RGS3: variants seen among roughly 807,000 people sequenced by gnomAD.
RGS3 encodes the protein regulator of G protein signaling 3, also known as regulator of G-protein signalling 3.
Under a neutral mutation model 132.6 loss-of-function variants are expected in RGS3, and 80 were observed. The ratio of observed to expected loss-of-function variants is 0.60; its 90% CI spans 0.50 to 0.73. The LOEUF (loss-of-function observed/expected upper bound fraction) is 0.73. RGS3 is among the 30% of genes least tolerant of loss of function. The pLI is 0.00. For missense variants in RGS3, 1,382 were observed against 1,530.8 expected (o/e 0.90, Z 1.62); for synonymous variants, 598 against 620.6 (o/e 0.96, Z 0.54).
chr9:113,597,015 T>TCCCTGCCC, exon 25 of RGS3: 1 of 1,419,760 alleles, frequency 7.0e-7, no homozygotes, highest in Non-Finnish European at 9.6e-7. Flanking sequence ...CCCACCTGCC[T>TCCCTGCCC]CCCTGCCCCC....
rs572534246 is a variant in RGS3 at position 113,550,675 on chromosome 9, A to G, written c.2037+13757A>G. 2.9e-4 allele frequency among the ~76,000 whole-genome samples: 44 copies of G among 152,326 alleles called. 1 individual carries two copies. The South Asian group carries it at 3.3e-3, about 11-fold the overall frequency. On this transcript the variant is annotated intron_variant, in intron 19 of 24. Transcript: ENST00000350696. Reference sequence around the variant, plus strand: ...TGTTTATTCCTCCTCATCATTACCAACATGGTATATTGTTACATTTTTAAA... The same window carrying G: ...TGTTTATTCCTCCTCATCATTACCAGCATGGTATATTGTTACATTTTTAAA...
rs527872524 is a variant in RGS3 at position 113,496,521 on chromosome 9, G to A, written c.750+675G>A. 4.6e-5 allele frequency among the ~76,000 whole-genome samples: 7 copies of A among 152,142 alleles called. No homozygotes were observed. In the South Asian group the frequency reaches 1.2e-3, roughly 27 times the overall value. On this transcript the variant is annotated intron_variant, in intron 8 of 24. Transcript: ENST00000350696. ...TGGCTGAGGACCCTTTATCCTGCAT[G>A]TGAGTCCTAAAGAGCTTCTCTCTCT... is the stretch of plus-strand genomic sequence containing the variant.
intron 19 of RGS3, among the ~76,000 whole-genome samples, chr9:113,574,200 C>T (rs181743680): frequency 1.3e-5 from 2 of 152,324 alleles, no homozygotes; most frequent in Admixed American, 1.3e-4. Context: ...ACCTCTGCAG[C>T]GCTAAGTAAA....
At chr9:113,571,842 A>C (rs1242656994) in intron 19 of RGS3, among the ~76,000 whole-genome samples, 1 of 152,198 alleles carries the variant, frequency 6.6e-6, no homozygotes, top group East Asian at 1.9e-4. Context: ...TATGTTTCAT[A>C]TTTAGATCTA....
chr9:113,453,236 A>G (rs1829298058), intron 1 of RGS3, among the ~76,000 whole-genome samples: 1 of 98,634 alleles, frequency 1.0e-5, no homozygotes, highest in Non-Finnish European at 1.9e-5. Context: ...TACTCATTAT[A>G]TGATTACATA....
chr9:113,508,082 C>T (rs1354674795), intron 13 of RGS3, among the ~76,000 whole-genome samples: 3 of 152,148 alleles, frequency 2.0e-5, no homozygotes, highest in Admixed American at 1.3e-4. Context: ...AATAAGCTTG[C>T]GACATATCCC....
At chr9:113,547,867 G>A (rs1009370285) in intron 19 of RGS3, among the ~76,000 whole-genome samples, 1 of 152,192 alleles carries the variant, frequency 6.6e-6, no homozygotes, top group Non-Finnish European at 1.5e-5. Flanking sequence ...AAGTGTTAGT[G>A]TGTTTCTGTT....
chr9:113,536,384 C>T, intron 18 of RGS3: 1 of 640,346 alleles, frequency 1.6e-6, no homozygotes, highest in Non-Finnish European at 1.9e-6. Flanking sequence ...TTCTGTGAGC[C>T]AGGGGAGGTG....
chr9:113,484,267 G>T (rs1332933980), intron 6 of RGS3, 35 bp downstream of exon 4: 1 of 1,101,860 alleles, frequency 9.1e-7, no homozygotes, highest in African/African-American at 1.6e-5. Flanking sequence ...CTAGAAAGGA[G>T]AGGGAAGGAG....
chr9:113,499,237 AAAAAAAAAAAGGAG>A (rs1830788626), intron 10 of RGS3, among the ~76,000 whole-genome samples: 1 of 151,738 alleles, frequency 6.6e-6, no homozygotes, highest in African/African-American at 2.4e-5. Flanking sequence ...AAAAAAAAAA[AAAAAAAAAAAGGAG>A]AAACAAACTC....
intron 7 of RGS3, among the ~76,000 whole-genome samples, chr9:113,488,904 T>C (rs1047883002): frequency 6.6e-6 from 1 of 152,238 alleles, no homozygotes; most frequent in African/African-American, 2.4e-5. Context: ...GACAGAGTGA[T>C]TGCAGGAAAC....
chr9:113,526,639 G>A (rs1324411469), intron 17 of RGS3, among the ~76,000 whole-genome samples: 1 of 152,122 alleles, frequency 6.6e-6, no homozygotes, highest in Non-Finnish European at 1.5e-5. Context: ...GTTGAGTTTT[G>A]GATCTCAGAT....
intron 18 of RGS3, among the ~76,000 whole-genome samples, chr9:113,534,778 AT>A (rs201244273): frequency 1.3e-5 from 2 of 151,088 alleles, no homozygotes; most frequent in African/African-American, 4.9e-5. Flanking sequence ...CACCCAATTA[AT>A]TTTTTTTTAA....
At chr9:113,514,516 G>A in exon 15 of RGS3, 1 of 1,614,234 alleles carries the variant, frequency 6.2e-7, no homozygotes, top group Non-Finnish European at 8.5e-7. Context: ...AGTCCCGGCT[G>A]ATGAAGACAG....
rs542162476 is a variant in RGS3 at position 113,579,595 on chromosome 9, G to A, written c.2038-3855G>A. 2.0e-5 allele frequency among the ~76,000 whole-genome samples: 3 copies of A among 152,270 alleles called. No homozygotes were observed. The highest frequency in any genetic ancestry group is 4.4e-5 in the Non-Finnish European group (3 of 68,016). On this transcript the variant is annotated intron_variant, in intron 19 of 24. Coordinates refer to ENST00000350696, the Ensembl canonical transcript of RGS3. The surrounding 1 kb of genome is among the most constrained non-coding windows in gnomAD (Gnocchi z 4.3). ...GTGAGCAAGCTGGTCTTCCTGGGGC[G>A]CCCTGGCTGGATTCTTGTTACTTCA...
At position 113,565,186 on chromosome 9, in the gene RGS3, C is replaced by G; in HGVS notation, c.2038-18264C>G. On this transcript the variant is annotated intron_variant, in intron 19 of 24. Coordinates refer to ENST00000350696, the Ensembl canonical transcript of RGS3. The surrounding 1 kb of genome is among the most constrained non-coding windows in gnomAD (Gnocchi z 5.7). ...TGCGTGTGAGCATGTAACCCGGGAG[C>G]CAGCTGGGCCCCTCGCGGGGTGGGC... The G allele has an allele frequency of 8.1e-7, 1 of 1,232,124 alleles. No homozygotes were observed. The highest frequency in any genetic ancestry group is 1.0e-6 in the Non-Finnish European group (1 of 960,590). 76.3% of individuals were successfully genotyped at this position (1,232,124 alleles called of 1,614,324 possible).
At chr9:113,527,870 A>G (rs1832285684) in intron 17 of RGS3, among the ~76,000 whole-genome samples, 2 of 152,200 alleles carry the variant, frequency 1.3e-5, no homozygotes, top group South Asian at 4.1e-4. Flanking sequence ...TGAGCCCAGC[A>G]CTGGCCTGGT....
In RGS3 at chr9:113,512,719, G is replaced by A. The variant is rs141990884; in HGVS notation, c.1478-1739G>A. ...AGCCTGCACCCAGGACCCAGGCTGGGCACCCAGGTCAGTGAGGACCTGGTA... is the reference window on the plus strand; with the variant it reads ...AGCCTGCACCCAGGACCCAGGCTGGACACCCAGGTCAGTGAGGACCTGGTA... On this transcript the variant is annotated intron_variant, in intron 14 of 24. Coordinates refer to ENST00000350696, the Ensembl canonical transcript of RGS3. Among the ~76,000 whole-genome samples the A allele has an allele frequency of 1.2e-4, 19 of 152,312 alleles. No individual in the cohort carries two copies. The East Asian group carries it at 3.7e-3, about 29-fold the overall frequency.
intron 18 of RGS3, among the ~76,000 whole-genome samples, chr9:113,529,885 A>G (rs879112537): frequency 6.6e-6 from 1 of 152,268 alleles, no homozygotes; most frequent in Admixed American, 6.5e-5. Context: ...ACATCTGGCA[A>G]GTAACTTATT....
Sources: allele counts gnomAD v4.1 joint callset (sites outside exome capture counted in the v4.1 genomes callset), GRCh38; gene constraint gnomAD v4.1.1; non-coding constraint Gnocchi (gnomAD v3.1); transcripts MANE v1.5; gene names NCBI Gene and HGNC (gene_info 2026-07-23, HGNC 2026-07-21).